The following TSGA10 variants were observed in gnomAD, a reference collection of about 807,000 sequenced individuals.
The protein encoded by TSGA10 is testis-specific gene 10 protein.
A neutral mutation model predicts 96.6 loss-of-function variants in TSGA10; 43 were observed. That is an observed-to-expected ratio of 0.44 (90% CI 0.35 to 0.57). TSGA10 has a LOEUF of 0.57. TSGA10 is among the 20% of genes least tolerant of loss of function. The pLI, the probability that TSGA10 is intolerant of heterozygous loss-of-function variation, is 0.01. For missense variants in TSGA10, 703 were observed against 834.4 expected (o/e 0.84, Z 1.94); for synonymous variants, 229 against 269.9 (o/e 0.85, Z 1.48).
chr2:99,041,564 A>G (rs1053493021), intron 16 of TSGA10, among the ~76,000 whole-genome samples: 5 of 152,234 alleles, frequency 3.3e-5, no homozygotes, highest in Admixed American at 2.6e-4. Flanking sequence ...AGAGCAAACA[A>G]AAACATAAAG....
intron 12 of TSGA10, 109 bp downstream of exon 12, chr2:99,078,550 T>G: frequency 3.4e-6 from 4 of 1,167,442 alleles, no homozygotes; most frequent in Non-Finnish European, 4.7e-6. Flanking sequence ...TAGAAAAACA[T>G]TTGAGAAAAT....
chr2:99,078,330 A>G (rs1395284450), intron 12 of TSGA10, among the ~76,000 whole-genome samples: 2 of 151,520 alleles, frequency 1.3e-5, no homozygotes, highest in African/African-American at 4.9e-5. Context: ...AAGGGTAACT[A>G]CCTGAAAATA....
At chr2:99,020,159 G>GT (rs2079878034) in intron 18 of TSGA10, 121 bp downstream of exon 18, 1 of 759,874 alleles carries the variant, frequency 1.3e-6, no homozygotes, top group Non-Finnish European at 2.1e-6. Flanking sequence ...GCAAATCACA[G>GT]TATTTCTGAT....
chr2:99,078,484 T>C (rs2087023715), intron 12 of TSGA10, among the ~76,000 whole-genome samples, 175 bp downstream of exon 12: 1 of 152,208 alleles, frequency 6.6e-6, no homozygotes, highest in Admixed American at 6.5e-5. Flanking sequence ...TTTGTACACA[T>C]GCTTCCTAAG....
chr2:99,037,677 T>C (rs866798905), intron 16 of TSGA10, among the ~76,000 whole-genome samples: 45 of 151,966 alleles, frequency 3.0e-4, no homozygotes, highest in African/African-American at 1.0e-3. Flanking sequence ...AATGAAACCC[T>C]GTCTCTACTA....
chr2:99,056,950 T>C (rs2084074299), intron 16 of TSGA10, among the ~76,000 whole-genome samples: 1 of 151,822 alleles, frequency 6.6e-6, no homozygotes, highest in Admixed American at 6.6e-5. Context: ...TAATATACTA[T>C]ATCTATAAAA....
chr2:99,037,111 GA>G (rs1302591673), intron 16 of TSGA10, among the ~76,000 whole-genome samples: 1 of 152,130 alleles, frequency 6.6e-6, no homozygotes, highest in Non-Finnish European at 1.5e-5. Flanking sequence ...AGTCAGCAAG[GA>G]TACAATTCAA....
chr2:99,083,106 T>C (rs1227172267), intron 10 of TSGA10, among the ~76,000 whole-genome samples: 2 of 152,060 alleles, frequency 1.3e-5, no homozygotes. Flanking sequence ...GTCCAATATT[T>C]ACCAAATCAA....
chr2:99,054,699 C>T (rs2083781923), intron 16 of TSGA10, among the ~76,000 whole-genome samples: 1 of 152,112 alleles, frequency 6.6e-6, no homozygotes, highest in Non-Finnish European at 1.5e-5. Context: ...CCTGAATAGA[C>T]ATTTCTCAAA....
rs145823598 is a variant in TSGA10 at position 99,085,179 on chromosome 2, G to A, written c.612-3782C>T. Among the ~76,000 whole-genome samples the A allele has an allele frequency of 5.9e-3, 899 of 151,990 alleles. 10 individuals are homozygous for A. Among genetic ancestry groups the A allele is most frequent in the African/African-American group, 0.021 (851 of 41,452 alleles). ...GGAGAATTGCTTGAACCCAGGAGGC[G>A]GAGGTTGCAGTGAGGTGAGATCGCA... On this transcript the variant is annotated intron_variant, in intron 10 of 20. Transcript: ENST00000393483.
intron 10 of TSGA10, among the ~76,000 whole-genome samples, chr2:99,089,773 T>A (rs984459091): frequency 5.3e-5 from 8 of 152,114 alleles, no homozygotes; most frequent in Non-Finnish European, 1.0e-4. Context: ...AAGGAGAATC[T>A]AAGCTCTGAC....
chr2:99,115,736 T>C (rs1345725667), intron 4 of TSGA10, among the ~76,000 whole-genome samples: 1 of 152,002 alleles, frequency 6.6e-6, no homozygotes, highest in African/African-American at 2.4e-5. Context: ...GAAAATTAGA[T>C]GGGTGTGGTC....
intron 15 of TSGA10, 40 bp downstream of exon 15, chr2:99,068,848 A>G: frequency 1.9e-6 from 2 of 1,028,176 alleles, no homozygotes; most frequent in Non-Finnish European, 2.7e-6. Flanking sequence ...CTCTAGTGAA[A>G]ACTAAGTATC....
intron 17 of TSGA10, among the ~76,000 whole-genome samples, chr2:99,031,726 T>C (rs79147962): frequency 6.6e-6 from 1 of 152,288 alleles, no homozygotes; most frequent in East Asian, 1.9e-4. Flanking sequence ...GCTTCATCTG[T>C]ATTTACAACT....
At chr2:99,003,465 A>C (rs984564744) in intron 20 of TSGA10, among the ~76,000 whole-genome samples, 1 of 152,252 alleles carries the variant, frequency 6.6e-6, no homozygotes, top group Non-Finnish European at 1.5e-5. Context: ...AGACATCTAC[A>C]GAACTCTCCA....
intron 1 of TSGA10, among the ~76,000 whole-genome samples, chr2:99,136,930 C>T (rs1000703541): frequency 4.7e-5 from 7 of 150,370 alleles, no homozygotes; most frequent in Non-Finnish European, 7.4e-5. Context: ...TTCTGGAGCA[C>T]TTAATGCATT....
intron 16 of TSGA10, among the ~76,000 whole-genome samples, chr2:99,039,200 A>G (rs1424637620): frequency 6.6e-6 from 1 of 151,992 alleles, no homozygotes; most frequent in African/African-American, 2.4e-5. Context: ...AAAGAGCACA[A>G]TCTAAGGTCA....
intron 2 of TSGA10, among the ~76,000 whole-genome samples, chr2:99,120,997 A>AAT (rs1341295687): frequency 6.6e-6 from 1 of 152,196 alleles, no homozygotes; most frequent in Non-Finnish European, 1.5e-5. Flanking sequence ...ATTTGAACCA[A>AAT]ATAGGATCAT....
Position 99,108,974 on chromosome 2 carries a change from T to C in TSGA10, c.69A>G (p.Val23=). Residue 23 remains valine, a synonymous_variant, in exon 7 of 21, where the codon GTA becomes GTG. Transcript: ENST00000393483. ...CTCTTGTTGTTGTCTTCAAAAGTTC[T>C]ACATCACAGTTTGCACCCTATAATT... ...SPTARGANCD[V]ELLKTTTRDR... The C allele has an allele frequency of 1.3e-6, 2 of 1,588,674 alleles. No homozygotes were observed. The highest frequency in any genetic ancestry group is 1.7e-6 in the Non-Finnish European group (2 of 1,172,470).
Sources: gnomAD v4.1 joint callset for allele counts (sites outside exome capture counted in the v4.1 genomes callset) on GRCh38, gnomAD v4.1.1 for gene constraint, MANE v1.5 for transcripts, NCBI Gene and HGNC (gene_info 2026-07-23, HGNC 2026-07-21) for gene names.